SMARCC1: variants seen among roughly 807,000 people sequenced by gnomAD.
SMARCC1 encodes SWI/SNF related BAF chromatin remodeling complex subunit C1.
Under a neutral mutation model 147.4 loss-of-function variants are expected in SMARCC1, and 43 were observed. The observed-to-expected ratio is 0.29, with a 90% CI of 0.23 to 0.38. The LOEUF is 0.38. Among genes scored for constraint, SMARCC1 ranks in the 10% least tolerant of loss-of-function variants. The probability of loss-of-function intolerance (pLI) is 1.00; values close to 1 mark genes in which losing one functional copy is unlikely to be tolerated. For synonymous variants in SMARCC1, 495 were observed against 484.4 expected (o/e 1.02, Z -0.29); for missense variants, 1,119 against 1,381.1 (o/e 0.81, Z 3.01).
At chr3:47,734,189 C>A (rs2034412783) in intron 5 of SMARCC1, among the ~76,000 whole-genome samples, 1 of 152,086 alleles carries the variant, frequency 6.6e-6, no homozygotes, top group Non-Finnish European at 1.5e-5. Flanking sequence ...GCCCTGGTAA[C>A]ATTCCACATA....
At position 47,599,379 on chromosome 3, in the gene SMARCC1, C is replaced by T. The variant is rs555690395; in HGVS notation, c.3044-8542G>A. Among the ~76,000 whole-genome samples the T allele has an allele frequency of 3.9e-5, 6 of 152,228 alleles. No individual in the cohort carries two copies. The South Asian group carries it at 1.2e-3, about 32-fold the overall frequency. The stretch of plus-strand genomic sequence containing the variant: ...GCCTGAGCGACAAAAGCAAACTCTG[C>T]CTCAAAAAAGTTATTATAGCAGCCT... On this transcript the variant is annotated intron_variant, in intron 26 of 27. Coordinates refer to ENST00000254480, the MANE Select transcript of SMARCC1 (RefSeq NM_003074.4).
Position 47,588,224 on chromosome 3 carries a change from G to A in SMARCC1, c.3303C>T (p.Ala1101=). The A allele has an allele frequency of 1.2e-6, 2 of 1,613,706 alleles. No individual in the cohort carries two copies. Among genetic ancestry groups the A allele is most frequent in the Non-Finnish European group, 1.7e-6 (2 of 1,179,762 alleles). Residue 1101 remains alanine (A), a synonymous_variant, in exon 28 of 28, where the codon GCC becomes GCT. Coordinates refer to ENST00000254480, the MANE Select transcript of SMARCC1 (RefSeq NM_003074.4). The part of the protein sequence containing the change: ...VPPPPAPGPP[A]SAAP ...ATCTTCCAGGCTAAGGAGCAGCTGAGGCTGGCGGGCCAGGAGCAGGAGGCG... is the reference window on the plus strand; with the variant it reads ...ATCTTCCAGGCTAAGGAGCAGCTGAAGCTGGCGGGCCAGGAGCAGGAGGCG...
chr3:47,671,173 C>CAAAAAAAAAAAAAAAAAAAAA (rs775759680), intron 18 of SMARCC1, among the ~76,000 whole-genome samples: 6 of 29,238 alleles, frequency 2.1e-4, no homozygotes, highest in African/African-American at 6.6e-4. Context: ...GAGACTATCT[C>CAAAAAAAAAAAAAAAAAAAAA]AAAAAAAAAA....
intron 21 of SMARCC1, among the ~76,000 whole-genome samples, chr3:47,649,796 A>G (rs1459608408): frequency 6.6e-6 from 1 of 152,192 alleles, no homozygotes; most frequent in East Asian, 1.9e-4. Context: ...GATTTTTGAG[A>G]AACCCTTGAC....
intron 18 of SMARCC1, among the ~76,000 whole-genome samples, chr3:47,671,190 A>AC (rs1553682017): frequency 4.8e-5 from 7 of 145,234 alleles, no homozygotes; most frequent in South Asian, 2.1e-4. Flanking sequence ...AAAAAAAAAA[A>AC]AAAAAAAACA....
intron 21 of SMARCC1, among the ~76,000 whole-genome samples, chr3:47,639,123 G>A (rs2106707174): frequency 6.6e-6 from 1 of 152,234 alleles, no homozygotes; most frequent in South Asian, 2.1e-4. Flanking sequence ...GAACTAGGCT[G>A]TCTGCTTAGG....
intron 7 of SMARCC1, among the ~76,000 whole-genome samples, chr3:47,719,885 G>A (rs868488926): frequency 2.0e-5 from 3 of 151,916 alleles, no homozygotes; most frequent in Non-Finnish European, 4.4e-5. Flanking sequence ...ACAGGCGTGC[G>A]CTACCATGTC....
chr3:47,675,064 C>A (rs1157547643), intron 18 of SMARCC1, among the ~76,000 whole-genome samples: 1 of 152,030 alleles, frequency 6.6e-6, no homozygotes, highest in African/African-American at 2.4e-5. Context: ...CTGTTCCACT[C>A]TCCTCTCTTT....
chr3:47,643,858 G>A (rs1018467165), intron 21 of SMARCC1, among the ~76,000 whole-genome samples: 2 of 151,910 alleles, frequency 1.3e-5, no homozygotes, highest in African/African-American at 4.8e-5. Flanking sequence ...TGAAGAGAGC[G>A]GAACAAAAAA....
intron 17 of SMARCC1, among the ~76,000 whole-genome samples, chr3:47,676,076 C>T (rs1352927124): frequency 2.0e-5 from 3 of 152,122 alleles, no homozygotes; most frequent in Non-Finnish European, 4.4e-5. Flanking sequence ...ATTTTGGTGT[C>T]CCTTTAAATC....
chr3:47,682,935 TAAAG>T (rs1559644011), intron 14 of SMARCC1, among the ~76,000 whole-genome samples: 1 of 152,228 alleles, frequency 6.6e-6, no homozygotes, highest in Non-Finnish European at 1.5e-5. Flanking sequence ...TAAAAATAAT[TAAAG>T]AGAGTAACAA....
intron 21 of SMARCC1, among the ~76,000 whole-genome samples, chr3:47,642,296 G>T (rs2033058085): frequency 1.3e-5 from 2 of 152,106 alleles, no homozygotes. Context: ...TATAAGAAAA[G>T]ATACTAGGTT....
intron 25 of SMARCC1, among the ~76,000 whole-genome samples, chr3:47,617,434 A>G (rs1447812949): frequency 1.3e-5 from 2 of 152,262 alleles, no homozygotes; most frequent in Non-Finnish European, 2.9e-5. Flanking sequence ...GACCCAATAA[A>G]TGCTCACAAA....
chr3:47,626,711 G>T (rs1008606291), intron 24 of SMARCC1, among the ~76,000 whole-genome samples: 1 of 152,132 alleles, frequency 6.6e-6, no homozygotes, highest in Non-Finnish European at 1.5e-5. Context: ...GATCAAGACA[G>T]GCTCTCTGCC....
chr3:47,769,210 CA>C (rs1553692338), intron 2 of SMARCC1, among the ~76,000 whole-genome samples: 289 of 33,072 alleles, frequency 8.7e-3, no homozygotes, highest in African/African-American at 0.032. Context: ...GACTCCGTCT[CA>C]AAAAAAAAAA....
chr3:47,716,333 G>GC (rs759712916), intron 7 of SMARCC1, among the ~76,000 whole-genome samples: 1 of 145,574 alleles, frequency 6.9e-6, no homozygotes, highest in South Asian at 2.2e-4. Context: ...CAGGAGAATC[G>GC]CATGAACCTG....
At chr3:47,750,739 A>G (rs1440189800) in intron 2 of SMARCC1, among the ~76,000 whole-genome samples, 1 of 152,162 alleles carries the variant, frequency 6.6e-6, no homozygotes, top group Non-Finnish European at 1.5e-5. Context: ...CAACAGTTCA[A>G]CTATATTGAC....
chr3:47,591,090 G>T (rs117349463), intron 26 of SMARCC1, among the ~76,000 whole-genome samples: 90 of 152,290 alleles, frequency 5.9e-4, no homozygotes, highest in East Asian at 2.3e-3. Context: ...GCTGTAAAAA[G>T]AAATGGCAAA....
At chr3:47,604,120 C>G in intron 26 of SMARCC1, 1 of 456,722 alleles carries the variant, frequency 2.2e-6, no homozygotes. Context: ...CCAGCTTATA[C>G]CAGCTACATT....
Sources: gnomAD v4.1 joint callset for allele counts (sites outside exome capture counted in the v4.1 genomes callset) on GRCh38, gnomAD v4.1.1 for gene constraint, MANE v1.5 for transcripts, NCBI Gene and HGNC (gene_info 2026-07-23, HGNC 2026-07-21) for gene names.